HTR4: variants seen among roughly 807,000 people sequenced by gnomAD.
HTR4 encodes the protein 5-hydroxytryptamine (serotonin) receptor 4, G protein-coupled.
HTR4 carries 16 observed loss-of-function variants against 36.8 expected under a neutral mutation model. The observed-to-expected ratio is 0.43, with a 90% CI of 0.29 to 0.66. HTR4 has a LOEUF of 0.66. Ranked by LOEUF, HTR4 falls within the 30% of genes least tolerant of loss-of-function variation. The pLI is 0.13. For missense variants in HTR4, 438 were observed against 490.9 expected (o/e 0.89, Z 1.02); for synonymous variants, 189 against 185.1 (o/e 1.02, Z -0.17).
At chr5:148,636,482 A>G (rs1013249613) in intron 2 of HTR4, among the ~76,000 whole-genome samples, 14 of 152,202 alleles carry the variant, frequency 9.2e-5, no homozygotes, top group African/African-American at 3.1e-4. Flanking sequence ...TTCATCTCCA[A>G]GGCTTGCAGA....
rs1201485661 is a variant in HTR4, at chr5:148,490,938, T to C, written c.1077-7645A>G. 1.4e-5 allele frequency: 6 copies of C among 421,042 alleles called. No homozygotes were observed. In the East Asian group the frequency reaches 4.3e-4, roughly 30 times the overall value. The allele number at this position is 421,042 out of a possible 1,614,324, so 26.1% of individuals were successfully genotyped here. A position where few individuals can be genotyped will look rare whatever the true frequency, so the allele number is the denominator to read the frequency against. On this transcript the variant is annotated intron_variant, in intron 6 of 6. Transcript: ENST00000377888. ...TCCTTCTACTGTTATTTATATGTCATAAATTCTGTAGAGAAAATCATGGCA... is the reference window on the plus strand; with the variant it reads ...TCCTTCTACTGTTATTTATATGTCACAAATTCTGTAGAGAAAATCATGGCA...
At chr5:148,540,827 C>A (rs1041653059) in intron 4 of HTR4, among the ~76,000 whole-genome samples, 7 of 152,152 alleles carry the variant, frequency 4.6e-5, no homozygotes, top group South Asian at 2.1e-4. Flanking sequence ...AGGGGACATA[C>A]TCAGGGCTGG....
At chr5:148,644,422 G>GTTTTTTTTTTTTTTTT (rs1175588280) in intron 1 of HTR4, among the ~76,000 whole-genome samples, 2 of 40,620 alleles carry the variant, frequency 4.9e-5, no homozygotes, top group African/African-American at 1.1e-4. Context: ...AAGCTCACAA[G>GTTTTTTTTTTTTTTTT]TTTTTTTTTT....
downstream of HTR4, among the ~76,000 whole-genome samples, chr5:148,474,925 A>G (rs1164376409): frequency 6.6e-6 from 1 of 152,090 alleles, no homozygotes; most frequent in Non-Finnish European, 1.5e-5. Context: ...GTGTGCCTGT[A>G]ATCCCAGCTA....
chr5:148,488,144 T>A (rs1756251459), intron 6 of HTR4, among the ~76,000 whole-genome samples: 1 of 152,204 alleles, frequency 6.6e-6, no homozygotes, highest in African/African-American at 2.4e-5. Flanking sequence ...AAAGTCCATT[T>A]CTTAAATTGT....
chr5:148,468,652 G>A (rs1381811505), intron 5 of HTR4, among the ~76,000 whole-genome samples: 3 of 152,174 alleles, frequency 2.0e-5, no homozygotes, highest in Non-Finnish European at 4.4e-5. Context: ...ATCCTAGCAT[G>A]GCAAAACCCT....
At chr5:148,619,535 G>A (rs1421712183) in intron 2 of HTR4, among the ~76,000 whole-genome samples, 1 of 152,256 alleles carries the variant, frequency 6.6e-6, no homozygotes, top group Admixed American at 6.5e-5. Flanking sequence ...TCTTGCTACA[G>A]ACCAAATTTT....
At chr5:148,457,641 A>G (rs1755131956) in intron 5 of HTR4, among the ~76,000 whole-genome samples, 1 of 147,846 alleles carries the variant, frequency 6.8e-6, no homozygotes, top group South Asian at 2.1e-4. Flanking sequence ...ATATTAATAT[A>G]TATTTAATAT....
In HTR4 at chr5:148,509,245, G is replaced by T; in HGVS notation, c.1076+211C>A. On this transcript the variant is annotated intron_variant, in intron 6 of 6. Coordinates refer to ENST00000377888, the MANE Select transcript of HTR4 (RefSeq NM_000870.7). Reference sequence around the variant, plus strand: ...ACCTGCCCAAGGTCACAGAACTATGGGGACTTGATTAGAATTCAAGTCAAT... The same window carrying T: ...ACCTGCCCAAGGTCACAGAACTATGTGGACTTGATTAGAATTCAAGTCAAT... 1 of 507,632 alleles carries T rather than the reference G, an allele frequency of 2.0e-6. No homozygotes were observed. Among genetic ancestry groups the T allele is most frequent in the Admixed American group, 3.7e-5 (1 of 27,302 alleles). The allele number at this position is 507,632 out of a possible 1,614,324, so 31.4% of individuals were successfully genotyped here.
chr5:148,646,785 G>A (rs2127317145), intron 1 of HTR4, among the ~76,000 whole-genome samples: 1 of 152,256 alleles, frequency 6.6e-6, no homozygotes, highest in Non-Finnish European at 1.5e-5. Context: ...ACGCTATCAG[G>A]AGGTTCTGCA....
At chr5:148,544,342 CA>C (rs1759275702) in intron 4 of HTR4, among the ~76,000 whole-genome samples, 3 of 121,788 alleles carry the variant, frequency 2.5e-5, no homozygotes, top group Non-Finnish European at 5.4e-5. Context: ...TCTCTCTCTC[CA>C]CACACACTCA....
intron 6 of HTR4, chr5:148,490,737 C>T: frequency 7.9e-7 from 1 of 1,271,192 alleles, no homozygotes; most frequent in Non-Finnish European, 1.0e-6. Context: ...TAAGGCAATC[C>T]ATTCCATTTT....
intron 2 of HTR4, among the ~76,000 whole-genome samples, chr5:148,611,475 G>T (rs1193254503): frequency 1.5e-5 from 2 of 131,582 alleles, no homozygotes; most frequent in Non-Finnish European, 3.2e-5. Flanking sequence ...ACAAGCAAAT[G>T]CTGAGAGATT....
At chr5:148,560,857 A>G (rs933550602) in intron 2 of HTR4, among the ~76,000 whole-genome samples, 3 of 152,170 alleles carry the variant, frequency 2.0e-5, no homozygotes, top group Non-Finnish European at 4.4e-5. Flanking sequence ...AGAAGTGAAT[A>G]TATTTCCTTT....
chr5:148,505,043 C>T (rs550052465), intron 6 of HTR4, among the ~76,000 whole-genome samples: 6 of 152,262 alleles, frequency 3.9e-5, no homozygotes, highest in Admixed American at 2.6e-4. Context: ...GATGGATTCA[C>T]AGTCGAATTC....
At chr5:148,533,029 G>A (rs1396653030) in intron 4 of HTR4, among the ~76,000 whole-genome samples, 1 of 152,230 alleles carries the variant, frequency 6.6e-6, no homozygotes, top group African/African-American at 2.4e-5. Flanking sequence ...AACGTCCATC[G>A]TAATCAATAT....
chr5:148,552,209 A>T (rs990648902), intron 2 of HTR4, among the ~76,000 whole-genome samples: 46 of 152,368 alleles, frequency 3.0e-4, no homozygotes, highest in African/African-American at 1.0e-3. Flanking sequence ...CCCTCCATTC[A>T]GCTGAGAAGT....
chr5:148,613,945 A>T (rs1458396127), intron 2 of HTR4, among the ~76,000 whole-genome samples: 2 of 152,108 alleles, frequency 1.3e-5, no homozygotes, highest in South Asian at 2.1e-4. Flanking sequence ...CTTCAAAGAG[A>T]ATAAAATACC....
chr5:148,539,766 G>A (rs1370930972), intron 4 of HTR4, among the ~76,000 whole-genome samples: 1 of 152,162 alleles, frequency 6.6e-6, no homozygotes, highest in African/African-American at 2.4e-5. Flanking sequence ...TTTATACACT[G>A]TTGGAGGGAA....
Sources: allele counts gnomAD v4.1 joint callset (sites outside exome capture counted in the v4.1 genomes callset), GRCh38; gene constraint gnomAD v4.1.1; transcripts MANE v1.5; gene names NCBI Gene and HGNC (gene_info 2026-07-23, HGNC 2026-07-21).